PTPN4: variants seen among roughly 807,000 people sequenced by gnomAD.
The protein encoded by PTPN4 is protein tyrosine phosphatase non-receptor type 4, also known as tyrosine-protein phosphatase non-receptor type 4.
In PTPN4, 49 loss-of-function variants were observed where a neutral mutation model predicts 135.5. That is an observed-to-expected ratio of 0.36 (90% CI 0.29 to 0.46). PTPN4 has a LOEUF of 0.46. PTPN4 is among the 20% of genes least tolerant of loss of function. The pLI, the probability that PTPN4 is intolerant of heterozygous loss-of-function variation, is 1.00. For missense variants in PTPN4, 860 were observed against 1,101.0 expected (o/e 0.78, Z 3.10); for synonymous variants, 333 against 369.9 (o/e 0.90, Z 1.14).
chr2:119,866,644 A>G (rs1457582922), intron 3 of PTPN4, among the ~76,000 whole-genome samples: 1 of 152,088 alleles, frequency 6.6e-6, no homozygotes, highest in Non-Finnish European at 1.5e-5. Flanking sequence ...AAGTTATGAC[A>G]TATTTTTCTT....
chr2:119,817,162 G>A (rs907890238), intron 2 of PTPN4, among the ~76,000 whole-genome samples: 51 of 152,224 alleles, frequency 3.4e-4, no homozygotes, highest in African/African-American at 1.1e-3. Context: ...GTATTGCCTA[G>A]GTTGTCTTCC....
intron 22 of PTPN4, among the ~76,000 whole-genome samples, chr2:119,960,201 G>T (rs1679346846): frequency 6.6e-6 from 1 of 152,088 alleles, no homozygotes; most frequent in South Asian, 2.1e-4. Flanking sequence ...ATTGTCATGT[G>T]CATATATCAC....
intron 3 of PTPN4, among the ~76,000 whole-genome samples, chr2:119,871,714 A>AG (rs1389764351): frequency 8.5e-5 from 13 of 152,082 alleles, no homozygotes; most frequent in Admixed American, 3.9e-4. Context: ...AAAGAGAGAG[A>AG]GAAAAAAAAA....
At chr2:119,865,424 A>G (rs1677817965) in intron 3 of PTPN4, among the ~76,000 whole-genome samples, 1 of 152,130 alleles carries the variant, frequency 6.6e-6, no homozygotes, top group African/African-American at 2.4e-5. Context: ...CATTTTAAAG[A>G]TGAAAAACTA....
chr2:119,781,952 A>G (rs1409535434), intron 1 of PTPN4, among the ~76,000 whole-genome samples: 1 of 152,128 alleles, frequency 6.6e-6, no homozygotes, highest in Non-Finnish European at 1.5e-5. Context: ...ATTGTGTTAT[A>G]TATTATTAGA....
intron 2 of PTPN4, among the ~76,000 whole-genome samples, chr2:119,826,480 A>G (rs763160953): frequency 1.3e-5 from 2 of 152,084 alleles, no homozygotes; most frequent in Non-Finnish European, 2.9e-5. Flanking sequence ...CATCTCCCCA[A>G]CCCAATCTCC....
intron 1 of PTPN4, among the ~76,000 whole-genome samples, chr2:119,778,082 C>G (rs1332297337): frequency 6.6e-6 from 1 of 151,448 alleles, no homozygotes; most frequent in African/African-American, 2.4e-5. Context: ...AAGAGAGGAA[C>G]AATAAAGCTT....
Position 119,981,789 on chromosome 2 carries a change from AT to A in PTPN4, c.*4726del, listed in dbSNP as rs1387674162. On this transcript the variant is annotated 3_prime_UTR_variant, in exon 27 of 27. Coordinates refer to ENST00000263708, the MANE Select transcript of PTPN4 (RefSeq NM_002830.4). ...TCTCTGTTTCTGCCAGAAGTTAGATATTTTTTTATAGTCCTGATGAATTTGT... is the reference window on the plus strand; with the variant it reads ...TCTCTGTTTCTGCCAGAAGTTAGATATTTTTTATAGTCCTGATGAATTTGT... The A allele has an allele frequency of 6.6e-6, 1 of 152,032 alleles. No individual in the cohort carries two copies. The highest frequency in any genetic ancestry group is 1.5e-5 in the Non-Finnish European group (1 of 67,976). 9.4% of individuals were successfully genotyped at this position (152,032 alleles called of 1,614,324 possible).
intron 13 of PTPN4, among the ~76,000 whole-genome samples, chr2:119,931,802 T>C (rs564482205): frequency 5.9e-5 from 9 of 152,226 alleles, no homozygotes; most frequent in African/African-American, 1.9e-4. Flanking sequence ...TGATAATATA[T>C]AGATTGGTAA....
At chr2:119,830,277 A>G (rs1324398449) in intron 2 of PTPN4, among the ~76,000 whole-genome samples, 1 of 152,150 alleles carries the variant, frequency 6.6e-6, no homozygotes, top group African/African-American at 2.4e-5. Flanking sequence ...TGTTGAAATG[A>G]TAATTGATAT....
Position 119,945,215 on chromosome 2 carries a change from T to C in PTPN4, c.1490T>C (p.Ile497Thr), listed in dbSNP as rs1679115093. Reference protein sequence around the residue: ...LESHINETFDIPSSPEKPTPN... With the variant: ...LESHINETFDTPSSPEKPTPN... ...AGTCATATTAATGAAACATTTGATA[T>C]TCCATCTTCTCCTGAAAAACCCACT... The change falls in exon 16 of 27, where the codon ATT becomes ACT. Residue 497 changes from isoleucine to threonine, a missense_variant. Coordinates refer to ENST00000263708, the MANE Select transcript of PTPN4 (RefSeq NM_002830.4). 6.3e-7 allele frequency: 1 copy of C among 1,584,354 alleles called. No individual in the cohort carries two copies. Among genetic ancestry groups the C allele is most frequent in the East Asian group, 2.3e-5 (1 of 43,242 alleles).
At chr2:119,763,956 C>T (rs1319544216) in intron 1 of PTPN4, among the ~76,000 whole-genome samples, 1 of 152,146 alleles carries the variant, frequency 6.6e-6, no homozygotes, top group Non-Finnish European at 1.5e-5. Context: ...GGGCTTCAGT[C>T]TAATCTGGTG....
At chr2:119,771,208 T>G (rs915164793) in intron 1 of PTPN4, among the ~76,000 whole-genome samples, 12 of 152,272 alleles carry the variant, frequency 7.9e-5, no homozygotes, top group African/African-American at 2.6e-4. Context: ...GGACTTTCCA[T>G]CCCAGCCCAG....
At chr2:119,879,533 C>G (rs1271859710) in intron 5 of PTPN4, among the ~76,000 whole-genome samples, 4 of 152,176 alleles carry the variant, frequency 2.6e-5, no homozygotes, top group South Asian at 4.1e-4. Context: ...TTTGGGGGAG[C>G]TTTAAAACCA....
chr2:119,967,375 G>A lies in PTPN4; in HGVS notation c.2559-462G>A, dbSNP rs562545826. On this transcript the variant is annotated intron_variant, in intron 25 of 26. Coordinates refer to ENST00000263708, the MANE Select transcript of PTPN4 (RefSeq NM_002830.4). The stretch of plus-strand genomic sequence containing the variant: ...GAGGCAGGAGAATCGCTTGAGCCCA[G>A]GAAGTAGAGGTTGCAGTGAGCCGAG... 5.9e-4 allele frequency among the ~76,000 whole-genome samples: 89 copies of A among 152,128 alleles called. No homozygotes were observed. In the East Asian group the frequency reaches 0.016, roughly 27 times the overall value.
chr2:119,900,794 A>G lies in PTPN4; in HGVS notation c.752A>G (p.Asn251Ser), dbSNP rs748637374. ...ILIYKNRVRM[N>S]TFPWLKIVKI... ...ATTTATAAGAACAGGGTACGAATGA[A>G]TACCTTTCCATGGTAAGAACATCTA... The change falls in exon 10 of 27, where the codon AAT (asparagine) becomes AGT (serine). Residue 251 changes from asparagine (N) to serine (S), a missense_variant. Physicochemically the swap from Asn to Ser is conservative, Grantham distance 46. This residue lies in a region of PTPN4 where 684 missense variants were observed against 807.0 expected (regional missense o/e 0.85). Transcript: ENST00000263708. 1.9e-6 allele frequency: 3 copies of G among 1,549,506 alleles called. No homozygotes were observed. In the East Asian group the frequency reaches 6.9e-5, roughly 36 times the overall value.
intron 2 of PTPN4, among the ~76,000 whole-genome samples, chr2:119,831,919 G>T (rs528924628): frequency 1.6e-4 from 25 of 152,148 alleles, no homozygotes; most frequent in Admixed American, 6.5e-5. Flanking sequence ...TTTCACTTGG[G>T]TTTTCTGACT....
At chr2:119,835,993 C>T (rs935014399) in intron 2 of PTPN4, among the ~76,000 whole-genome samples, 19 of 151,278 alleles carry the variant, frequency 1.3e-4, no homozygotes, top group Admixed American at 9.2e-4. Context: ...GGTGTGAATC[C>T]GGGAGGCGGA....
intron 9 of PTPN4, among the ~76,000 whole-genome samples, chr2:119,895,131 T>A (rs1678300220): frequency 6.6e-6 from 1 of 152,076 alleles, no homozygotes; most frequent in South Asian, 2.1e-4. Context: ...GCAGGGAAGG[T>A]GATGAGGGGA....
Sources: gnomAD v4.1 joint callset for allele counts (sites outside exome capture counted in the v4.1 genomes callset) on GRCh38, gnomAD v4.1.1 for gene constraint, gnomAD v4.1.1 regional missense constraint, MANE v1.5 for transcripts, NCBI Gene and HGNC (gene_info 2026-07-23, HGNC 2026-07-21) for gene names.